The following ADD3 variants were observed in gnomAD, a reference collection of about 807,000 sequenced individuals.
The protein encoded by ADD3 is adducin 3, also known as gamma-adducin.
ADD3 carries 25 observed loss-of-function variants against 80.2 expected under a neutral mutation model. The ratio of observed to expected loss-of-function variants is 0.31; its 90% confidence interval spans 0.23 to 0.44. The LOEUF is 0.44. Among genes scored for constraint, ADD3 ranks in the 20% least tolerant of loss-of-function variants. The pLI is 1.00. For synonymous variants in ADD3, 284 were observed against 289.6 expected (o/e 0.98, Z 0.20); for missense variants, 829 against 847.5 (o/e 0.98, Z 0.27).
chr10:110,120,659 A>G (rs1851377187), intron 8 of ADD3, among the ~76,000 whole-genome samples: 1 of 152,190 alleles, frequency 6.6e-6, no homozygotes, highest in Admixed American at 6.5e-5. Flanking sequence ...ACTGACTTCC[A>G]CAATGGTTGA....
intron 10 of ADD3, among the ~76,000 whole-genome samples, 158 bp downstream of exon 10, chr10:110,124,432 G>A (rs1851887119): frequency 6.6e-6 from 1 of 152,126 alleles, no homozygotes; most frequent in South Asian, 2.1e-4. Context: ...ACTCTTCTAA[G>A]TGCCATACAC....
At chr10:110,000,693 C>T (rs1851467970) in intron 1 of ADD3, among the ~76,000 whole-genome samples, 1 of 152,196 alleles carries the variant, frequency 6.6e-6, no homozygotes, top group Non-Finnish European at 1.5e-5. Context: ...AACTGTTAGG[C>T]TCTGGAGTCA....
intron 1 of ADD3, among the ~76,000 whole-genome samples, chr10:110,054,877 G>A (rs1049682115): frequency 3.9e-5 from 6 of 151,914 alleles, no homozygotes; most frequent in African/African-American, 9.7e-5. Context: ...GCCTCCCAAC[G>A]TGCTGGGCTT....
intron 1 of ADD3, among the ~76,000 whole-genome samples, chr10:110,037,983 C>G (rs994934157): frequency 6.7e-6 from 1 of 148,162 alleles, no homozygotes; most frequent in East Asian, 2.0e-4. Context: ...GCAGGAGAAT[C>G]GCTTGAACCC....
chr10:110,123,225 A>G (rs760554590), intron 9 of ADD3, among the ~76,000 whole-genome samples: 7 of 152,164 alleles, frequency 4.6e-5, no homozygotes, highest in Non-Finnish European at 1.0e-4. Context: ...CCCTTTGGAT[A>G]TATATCTGGT....
intron 12 of ADD3, among the ~76,000 whole-genome samples, chr10:110,126,924 CTG>C (rs1203461869): frequency 6.6e-6 from 1 of 152,184 alleles, no homozygotes; most frequent in East Asian, 1.9e-4. Context: ...TTCATCAAAT[CTG>C]TGTTATCCGT....
At chr10:110,132,146 T>C (rs1853103685) in intron 13 of ADD3, among the ~76,000 whole-genome samples, 159 bp from the exon 14 acceptor site, 1 of 152,236 alleles carries the variant, frequency 6.6e-6, no homozygotes, top group Admixed American at 6.5e-5. Flanking sequence ...TAATGTATAA[T>C]TATGGATATA....
intron 1 of ADD3, among the ~76,000 whole-genome samples, chr10:110,028,974 G>A (rs748379675): frequency 4.0e-5 from 6 of 151,712 alleles, no homozygotes; most frequent in African/African-American, 1.2e-4. Context: ...CCGCCTCCCG[G>A]GTTCAAGCAG....
At chr10:110,102,070 A>T (rs1848874797) in intron 2 of ADD3, among the ~76,000 whole-genome samples, 1 of 152,198 alleles carries the variant, frequency 6.6e-6, no homozygotes, top group Non-Finnish European at 1.5e-5. Flanking sequence ...CGGTGAAAGC[A>T]TTGAAGTACA....
upstream of ADD3, among the ~76,000 whole-genome samples, chr10:110,001,640 G>A (rs954495569): frequency 3.3e-5 from 5 of 152,040 alleles, no homozygotes; most frequent in African/African-American, 9.7e-5. Context: ...CACTTGGGGT[G>A]CTTAAAAAGT....
In ADD3 at chr10:110,122,222, T is replaced by G. The variant is rs751721931; in HGVS notation, c.1073T>G (p.Met358Arg). The change falls in exon 9 of 15, where the codon ATG (methionine) becomes AGG (arginine). Residue 358 changes from methionine (M) to arginine (R), a missense_variant. Met to Arg is a moderately conservative substitution (Grantham distance 91). Coordinates refer to ENST00000356080, the MANE Select transcript of ADD3 (RefSeq NM_016824.5). ...GCGTCTGGTGGAGGAGGTGTGAATATGGGTTCCCATCAAAAATGGAAGGTT... is the reference window on the plus strand; with the variant it reads ...GCGTCTGGTGGAGGAGGTGTGAATAGGGGTTCCCATCAAAAATGGAAGGTT... ...VAASGGGGVN[M>R]GSHQKWKVGE... 1 of 1,614,154 alleles carries G rather than the reference T, an allele frequency of 6.2e-7. No individual in the cohort carries two copies. Among genetic ancestry groups the G allele is most frequent in the South Asian group, 1.1e-5 (1 of 91,086 alleles).
At chr10:110,059,684 G>C (rs898497958) in intron 1 of ADD3, among the ~76,000 whole-genome samples, 1 of 152,130 alleles carries the variant, frequency 6.6e-6, no homozygotes, top group African/African-American at 2.4e-5. Context: ...CAGAAGGATC[G>C]CTTGAACCCA....
At chr10:110,094,121 T>G (rs1847878855) in intron 1 of ADD3, among the ~76,000 whole-genome samples, 5 of 152,154 alleles carry the variant, frequency 3.3e-5, no homozygotes. Context: ...AACGGACCAT[T>G]AAGTCTATTA....
chr10:110,133,893 T>C lies in ADD3; in HGVS notation c.*275T>C. ...ATAATTCACCATAAACAGCTATCTGTCTGAATTACTTCAGGCCTTCTCCAT... is the reference window on the plus strand; with the variant it reads ...ATAATTCACCATAAACAGCTATCTGCCTGAATTACTTCAGGCCTTCTCCAT... On this transcript the variant is annotated 3_prime_UTR_variant, in exon 15 of 15. Transcript: ENST00000356080. The C allele has an allele frequency of 4.3e-6, 1 of 233,700 alleles. No individual in the cohort carries two copies. Among genetic ancestry groups the C allele is most frequent in the Non-Finnish European group, 8.2e-6 (1 of 122,182 alleles). The allele number at this position is 233,700 out of a possible 1,614,324, so 14.5% of individuals were successfully genotyped here.
At chr10:109,999,348 C>T (rs1287195523) in intron 1 of ADD3, among the ~76,000 whole-genome samples, 1 of 152,196 alleles carries the variant, frequency 6.6e-6, no homozygotes, top group Non-Finnish European at 1.5e-5. Flanking sequence ...TCTCAGAAAG[C>T]TCACATGCAT....
At chr10:110,086,419 A>G (rs1268725780) in intron 1 of ADD3, among the ~76,000 whole-genome samples, 1 of 152,178 alleles carries the variant, frequency 6.6e-6, no homozygotes, top group Non-Finnish European at 1.5e-5. Context: ...CAAAACAACA[A>G]CAACAAAAAA....
In ADD3 at chr10:110,133,851, C is replaced by G. The variant is rs1334730174; in HGVS notation, c.*233C>G. 2 of 343,084 alleles carry G rather than the reference C, an allele frequency of 5.8e-6. No homozygotes were observed. The highest frequency in any genetic ancestry group is 1.0e-5 in the Non-Finnish European group (2 of 191,362). 21.3% of individuals were successfully genotyped at this position (343,084 alleles called of 1,614,324 possible). A position where few individuals can be genotyped will look rare whatever the true frequency, so the allele number is the denominator to read the frequency against. On this transcript the variant is annotated 3_prime_UTR_variant, in exon 15 of 15. Transcript: ENST00000356080. ...AATTACTAGTTTTAATTAGCTCTGC[C>G]CTCATGAAGTATTATTATAATTCAC...
At chr10:110,071,771 G>C (rs1242253246) in intron 1 of ADD3, among the ~76,000 whole-genome samples, 1 of 152,096 alleles carries the variant, frequency 6.6e-6, no homozygotes, top group Non-Finnish European at 1.5e-5. Context: ...TCACTAGTTT[G>C]GTGAATTTTT....
At chr10:110,072,316 C>T (rs576357320) in intron 1 of ADD3, among the ~76,000 whole-genome samples, 4 of 152,298 alleles carry the variant, frequency 2.6e-5, no homozygotes, top group East Asian at 1.9e-4. Context: ...CCCCCAGCCT[C>T]GGCCTCCCAA....
Sources: gnomAD v4.1 joint callset for allele counts (sites outside exome capture counted in the v4.1 genomes callset) on GRCh38, gnomAD v4.1.1 for gene constraint, MANE v1.5 for transcripts, NCBI Gene and HGNC (gene_info 2026-07-23, HGNC 2026-07-21) for gene names.